DPYD: variants seen among roughly 807,000 people sequenced by gnomAD.
DPYD encodes dihydropyrimidine dehydrogenase [NADP(+)].
A neutral mutation model predicts 116.2 loss-of-function variants in DPYD; 109 were observed. That is an observed-to-expected ratio of 0.94 (90% CI 0.80 to 1.10). The LOEUF (loss-of-function observed/expected upper bound fraction) is 1.10. Ranked by LOEUF, DPYD falls within the 50% of genes least tolerant of loss-of-function variation. The pLI is 0.00. For synonymous variants in DPYD, 440 were observed against 432.0 expected (o/e 1.02, Z -0.23); for missense variants, 1,302 against 1,254.5 (o/e 1.04, Z -0.57).
At chr1:97,530,855 T>G (rs996474214) in intron 12 of DPYD, among the ~76,000 whole-genome samples, 28 of 152,228 alleles carry the variant, frequency 1.8e-4, no homozygotes, top group African/African-American at 6.5e-4. Flanking sequence ...TGATTTTCAT[T>G]TTCCTGATGA....
chr1:97,586,609 G>A (rs1024733546), intron 10 of DPYD, among the ~76,000 whole-genome samples: 3 of 148,766 alleles, frequency 2.0e-5, no homozygotes, highest in African/African-American at 4.9e-5. Flanking sequence ...TCAACATAAT[G>A]CAACAACCTC....
chr1:97,851,877 A>G (rs1248456290), intron 2 of DPYD, among the ~76,000 whole-genome samples: 1 of 152,004 alleles, frequency 6.6e-6, no homozygotes, highest in Non-Finnish European at 1.5e-5. Context: ...AAATGCTTAA[A>G]GCTTGCATCT....
intron 3 of DPYD, among the ~76,000 whole-genome samples, chr1:97,822,205 T>C (rs1668975304): frequency 6.6e-6 from 1 of 150,546 alleles, no homozygotes; most frequent in South Asian, 2.1e-4. Context: ...GAGATAATAT[T>C]CTACAAGCAA....
intron 1 of DPYD, among the ~76,000 whole-genome samples, chr1:97,909,844 A>G (rs2101704203): frequency 6.6e-6 from 1 of 152,228 alleles, no homozygotes; most frequent in South Asian, 2.1e-4. Context: ...ACAGACATCC[A>G]AAAGTTTACT....
At chr1:97,276,048 G>T (rs186347584) in intron 18 of DPYD, among the ~76,000 whole-genome samples, 26 of 152,138 alleles carry the variant, frequency 1.7e-4, no homozygotes, top group Non-Finnish European at 2.6e-4. Context: ...TGGCATGAAG[G>T]TTCAATTTAT....
intron 18 of DPYD, among the ~76,000 whole-genome samples, chr1:97,270,482 C>G (rs970842380): frequency 1.3e-5 from 2 of 152,138 alleles, no homozygotes; most frequent in Non-Finnish European, 2.9e-5. Context: ...AACATTTACA[C>G]CATTCCCCAT....
At chr1:97,646,464 C>T (rs1658265507) in intron 8 of DPYD, among the ~76,000 whole-genome samples, 1 of 151,824 alleles carries the variant, frequency 6.6e-6, no homozygotes, top group Non-Finnish European at 1.5e-5. Flanking sequence ...ATTTTGTCAA[C>T]TCACTTTCTA....
intron 13 of DPYD, among the ~76,000 whole-genome samples, chr1:97,479,653 T>A (rs1678189772): frequency 6.6e-6 from 1 of 152,150 alleles, no homozygotes; most frequent in Non-Finnish European, 1.5e-5. Flanking sequence ...ATCAACAGAC[T>A]TGCTCGAAGA....
At chr1:97,322,351 TTTGC>T (rs1185736055) in intron 16 of DPYD, among the ~76,000 whole-genome samples, 1 of 146,214 alleles carries the variant, frequency 6.8e-6, no homozygotes, top group African/African-American at 2.4e-5. Context: ...TGTTTGTTTG[TTTGC>T]TTGCTTGTTT....
chr1:97,100,399 G>A (rs889460177), intron 20 of DPYD, among the ~76,000 whole-genome samples: 12 of 151,948 alleles, frequency 7.9e-5, no homozygotes, highest in South Asian at 2.1e-4. Flanking sequence ...CACCCCCTGC[G>A]TGCTTCTCTT....
At chr1:97,626,551 T>A (rs1040508493) in intron 8 of DPYD, among the ~76,000 whole-genome samples, 1 of 152,066 alleles carries the variant, frequency 6.6e-6, no homozygotes, top group Non-Finnish European at 1.5e-5. Flanking sequence ...ACATTTTGCC[T>A]CAAGTTTCTA....
intron 20 of DPYD, among the ~76,000 whole-genome samples, chr1:97,188,810 A>G (rs561122303): frequency 6.6e-6 from 1 of 152,342 alleles, no homozygotes; most frequent in Admixed American, 6.5e-5. Flanking sequence ...CTAGGCCGTC[A>G]AGAAGCTTAT....
chr1:97,099,151 T>C (rs1650482139), intron 20 of DPYD, among the ~76,000 whole-genome samples: 1 of 152,104 alleles, frequency 6.6e-6, no homozygotes, highest in South Asian at 2.1e-4. Flanking sequence ...ACTACATCTC[T>C]TTAAAGATTG....
chr1:97,153,874 C>T (rs1029775713), intron 20 of DPYD, among the ~76,000 whole-genome samples: 1 of 149,792 alleles, frequency 6.7e-6, no homozygotes, highest in Non-Finnish European at 1.5e-5. Flanking sequence ...AAATGGCCAA[C>T]AAGCATATGG....
intron 20 of DPYD, among the ~76,000 whole-genome samples, chr1:97,140,394 C>G (rs905326341): frequency 2.0e-5 from 3 of 152,020 alleles, no homozygotes; most frequent in Admixed American, 1.3e-4. Flanking sequence ...GGGTGAAATG[C>G]CGAAGCATAG....
At chr1:97,626,621 C>T (rs1031089367) in intron 8 of DPYD, among the ~76,000 whole-genome samples, 2 of 151,776 alleles carry the variant, frequency 1.3e-5, no homozygotes, top group Admixed American at 6.6e-5. Flanking sequence ...TCTTCTAAAA[C>T]AATGTTAAAT....
chr1:97,712,884 T>A (rs762812938), intron 5 of DPYD, among the ~76,000 whole-genome samples: 1 of 152,116 alleles, frequency 6.6e-6, no homozygotes, highest in African/African-American at 2.4e-5. Flanking sequence ...TATTAAACTT[T>A]CTATGAGGTG....
At chr1:97,344,236 A>T (rs1669726684) in intron 16 of DPYD, among the ~76,000 whole-genome samples, 1 of 151,922 alleles carries the variant, frequency 6.6e-6, no homozygotes, top group South Asian at 2.1e-4. Flanking sequence ...GCTAGTAACC[A>T]TTCTAAGGAA....
At chr1:97,815,712 C>T (rs1427406397) in intron 3 of DPYD, among the ~76,000 whole-genome samples, 1 of 152,080 alleles carries the variant, frequency 6.6e-6, no homozygotes, top group Non-Finnish European at 1.5e-5. Flanking sequence ...TGGAGTGGCA[C>T]CTGGAGAGGA....
Sources: gnomAD v4.1 joint callset for allele counts (sites outside exome capture counted in the v4.1 genomes callset) on GRCh38, gnomAD v4.1.1 for gene constraint, MANE v1.5 for transcripts, NCBI Gene and HGNC (gene_info 2026-07-23, HGNC 2026-07-21) for gene names.